Variants in IQSEC2 observed in about 807,000 individuals in gnomAD.
IQSEC2 encodes the protein IQ motif and Sec7 domain ArfGEF 2, also known as IQ motif and SEC7 domain-containing protein 2.
IQSEC2 carries 6 observed loss-of-function variants against 74.6 expected under a neutral mutation model. The ratio of observed to expected loss-of-function variants is 0.08; its 90% CI spans 0.04 to 0.16. IQSEC2 has a LOEUF of 0.16. Ranked by LOEUF, IQSEC2 falls within the 10% of genes least tolerant of loss-of-function variation. IQSEC2 has a pLI of 1.00. For missense variants in IQSEC2, 734 were observed against 1,306.2 expected, an observed-to-expected ratio of 0.56 and a Z score of 6.75; for synonymous variants, 494 against 544.5, an observed-to-expected ratio of 0.91 and a Z score of 1.29.
chrX:53,253,964 C>T (rs1374113401), intron 4 of IQSEC2, among the ~76,000 whole-genome samples: 1 of 112,124 alleles, frequency 8.9e-6, no homozygotes, highest in Non-Finnish European at 1.9e-5. Flanking sequence ...TTGTTCTATA[C>T]ACCCATACAT....
intron 2 of IQSEC2, among the ~76,000 whole-genome samples, chrX:53,265,475 T>G (rs1390721905): frequency 2.7e-5 from 3 of 111,418 alleles, no homozygotes; most frequent in Non-Finnish European, 5.6e-5. Context: ...GGTAGGTATA[T>G]TCTCACTGTA....
intron 7 of IQSEC2, among the ~76,000 whole-genome samples, 163 bp downstream of exon 7, chrX:53,247,951 T>C (rs2074332200): frequency 8.9e-6 from 1 of 112,504 alleles, no homozygotes; most frequent in African/African-American, 3.2e-5. Flanking sequence ...AGATACTTTA[T>C]ATGCACTACC....
At chrX:53,281,442 G>T in intron 2 of IQSEC2, 2 of 719,966 alleles carry the variant, frequency 2.8e-6, no homozygotes, top group Non-Finnish European at 4.2e-6. Flanking sequence ...CAGGGACTGG[G>T]TCCAGGCCTG....
intron 1 of IQSEC2, among the ~76,000 whole-genome samples, chrX:53,307,218 G>A (rs1251646675): frequency 9.3e-6 from 1 of 108,086 alleles, no homozygotes; most frequent in Non-Finnish European, 1.9e-5. Flanking sequence ...GAGTGGACAA[G>A]CAAGCCTGGA....
Position 53,248,092 on chromosome X carries a change from C to T in IQSEC2, c.2582+22G>A, listed in dbSNP as rs781902922. ...TGCCCACAGGAGGGAGGGGCAGCTT[C>T]GCGAGTGGGAGGTAGGCACACCTGA... On this transcript the variant is annotated intron_variant, in intron 7 of 14. Coordinates refer to ENST00000642864, the MANE Select transcript of IQSEC2 (RefSeq NM_001111125.3). The T allele has an allele frequency of 5.0e-6, 6 of 1,210,542 alleles. No homozygotes were observed. The South Asian group carries it at 1.1e-4, about 21-fold the overall frequency.
chrX:53,286,337 T>A (rs1371543617), intron 2 of IQSEC2, among the ~76,000 whole-genome samples: 2 of 112,099 alleles, frequency 1.8e-5, no homozygotes, highest in African/African-American at 6.5e-5. Flanking sequence ...CCAAAAACAA[T>A]CTTACAAGTG....
chrX:53,248,858 A>G lies in IQSEC2; in HGVS notation c.2322T>C (p.Tyr774=), dbSNP rs147706810. ...CTGACAGGAAGCCCCGCTCGATCAG[A>G]TACTGGATACCCTTCTCTGGCTTCC... is the stretch of plus-strand genomic sequence containing the variant. The part of the protein sequence containing the change: ...FNKKPEKGIQ[Y]LIERGFLSDT... Residue 774 remains tyrosine (Y), a synonymous_variant, in exon 6 of 15, where the codon TAT becomes TAC. Transcript: ENST00000642864. 2.8e-4 allele frequency: 341 copies of G among 1,209,142 alleles called. No homozygotes were observed. The highest frequency in any genetic ancestry group is 3.6e-4 in the Non-Finnish European group (326 of 894,787).
Position 53,238,084 on chromosome X carries a change from C to T in IQSEC2, c.3277+61G>A, listed in dbSNP as rs186395646. The T allele has an allele frequency of 2.9e-3, 3,240 of 1,113,427 alleles. 5 individuals carry two copies. The highest frequency in any genetic ancestry group is 3.5e-3 in the Non-Finnish European group (2,901 of 824,096). 91.8% of individuals were successfully genotyped at this position (1,113,427 alleles called of 1,213,427 possible). The stretch of plus-strand genomic sequence containing the variant: ...TCTGAGATTCTCTGAGGATAGGATT[C>T]TTGGTTTCTGCAGGGTACTGTTTCA... On this transcript the variant is annotated intron_variant, in intron 12 of 14. Coordinates refer to ENST00000642864, the MANE Select transcript of IQSEC2 (RefSeq NM_001111125.3).
chrX:53,242,006 A>C, intron 9 of IQSEC2, 97 bp from the exon 10 acceptor site: 3 of 1,026,060 alleles, frequency 2.9e-6, no homozygotes, highest in Non-Finnish European at 4.0e-6. Context: ...TTTACCACTC[A>C]TACATGTGTG....
intron 2 of IQSEC2, among the ~76,000 whole-genome samples, chrX:53,278,566 G>GT (rs1373386933): frequency 4.5e-5 from 5 of 111,209 alleles, no homozygotes; most frequent in African/African-American, 6.5e-5. Flanking sequence ...TGTTTTGGTT[G>GT]TTTTTTTCTA....
Position 53,321,104 on chromosome X carries a change from G to T in IQSEC2, c.20C>A (p.Pro7His). ...GCTCTCGGATCCCGGGCCGCCCGGG[G>T]GCCCCGACCCCGCCTCCATCCTGGC... MEAGSG[P>H]PGGPGSESPN... Residue 7 changes from proline (P) to histidine (H), a missense_variant, in exon 1 of 15, where the codon CCC becomes CAC. Coordinates refer to ENST00000642864, the MANE Select transcript of IQSEC2 (RefSeq NM_001111125.3). The T allele has an allele frequency of 8.7e-7, 1 of 1,145,829 alleles. No homozygotes were observed. Among genetic ancestry groups the T allele is most frequent in the South Asian group, 1.9e-5 (1 of 52,400 alleles). The allele number at this position is 1,145,829 out of a possible 1,213,427, so 94.4% of individuals were successfully genotyped here. A position where few individuals can be genotyped will look rare whatever the true frequency, so the allele number is the denominator to read the frequency against.
chrX:53,236,226 G>T, intron 13 of IQSEC2, 96 bp downstream of exon 13: 1 of 941,778 alleles, frequency 1.1e-6, no homozygotes, highest in Non-Finnish European at 1.5e-6. Context: ...GTGCATGTGT[G>T]GCAGGTGGAG....
chrX:53,238,542 A>AT (rs782287232), intron 11 of IQSEC2, among the ~76,000 whole-genome samples: 7 of 107,780 alleles, frequency 6.5e-5, no homozygotes, highest in South Asian at 4.1e-4. Context: ...ACATGCGCAG[A>AT]TTTTTTTTTA....
intron 8 of IQSEC2, among the ~76,000 whole-genome samples, chrX:53,244,520 T>C (rs2074273085): frequency 2.2e-5 from 2 of 90,346 alleles, no homozygotes; most frequent in Admixed American, 1.1e-4. Flanking sequence ...AGCAAGACCC[T>C]GTCTCAAAAA....
At chrX:53,271,521 C>T (rs1334587768) in intron 2 of IQSEC2, among the ~76,000 whole-genome samples, 2 of 111,668 alleles carry the variant, frequency 1.8e-5, no homozygotes, top group Non-Finnish European at 3.8e-5. Context: ...TATACATCCA[C>T]AACAGTTTAT....
intron 2 of IQSEC2, among the ~76,000 whole-genome samples, chrX:53,258,716 G>A (rs1449142378): frequency 1.8e-5 from 2 of 110,828 alleles, no homozygotes; most frequent in African/African-American, 3.3e-5. Context: ...TTAGCCGGGC[G>A]TGGTGGTGGG....
intron 12 of IQSEC2, 99 bp downstream of exon 12, chrX:53,238,046 G>A: frequency 4.1e-6 from 4 of 975,839 alleles, no homozygotes; most frequent in Middle Eastern, 3.7e-4. Context: ...GGTTGGACAA[G>A]CTAACCCTCA....
intron 1 of IQSEC2, among the ~76,000 whole-genome samples, chrX:53,292,907 G>A (rs1174538346): frequency 8.9e-6 from 1 of 111,784 alleles, no homozygotes; most frequent in Non-Finnish European, 1.9e-5. Context: ...AAGTGGGAGC[G>A]TGTGGGACAC....
chrX:53,245,855 GTTCTTTTTTT>G (rs1353188305), intron 8 of IQSEC2, among the ~76,000 whole-genome samples: 6 of 77,991 alleles, frequency 7.7e-5, no homozygotes, highest in Admixed American at 2.8e-4. Flanking sequence ...CATCTCAATT[GTTCTTTTTTT>G]TTTTTTTTTT....
Sources: allele counts gnomAD v4.1 joint callset (sites outside exome capture counted in the v4.1 genomes callset), GRCh38; gene constraint gnomAD v4.1.1; transcripts MANE v1.5; gene names NCBI Gene and HGNC (gene_info 2026-07-23, HGNC 2026-07-21).